TM9SF3: variants seen among roughly 807,000 people sequenced by gnomAD.
TM9SF3 encodes SM-11044-binding protein.
A neutral mutation model predicts 78.6 loss-of-function variants in TM9SF3; 14 were observed. That is an observed-to-expected ratio of 0.18 (90% CI 0.12 to 0.28). The LOEUF (loss-of-function observed/expected upper bound fraction) is 0.28. Ranked by LOEUF, TM9SF3 falls within the 10% of genes least tolerant of loss-of-function variation. The pLI is 1.00. For missense variants in TM9SF3, 496 were observed against 721.9 expected, an observed-to-expected ratio of 0.69 and a Z score of 3.59; for synonymous variants, 231 against 241.7, an observed-to-expected ratio of 0.96 and a Z score of 0.41.
At chr10:96,544,824 G>A (rs1470788727) in intron 8 of TM9SF3, among the ~76,000 whole-genome samples, 2 of 150,462 alleles carry the variant, frequency 1.3e-5, no homozygotes, top group Admixed American at 6.6e-5. Flanking sequence ...CTAAGACAGG[G>A]CAAAAAAAAA....
At chr10:96,562,164 A>G in intron 3 of TM9SF3, 26 bp from the exon 4 acceptor site, 1 of 1,537,912 alleles carries the variant, frequency 6.5e-7, no homozygotes, top group South Asian at 1.2e-5. Flanking sequence ...CACTTTATAC[A>G]AGGTAAAACC....
Position 96,578,227 on chromosome 10 carries a change from TAAC to T in TM9SF3, c.103-1401_103-1399del, listed in dbSNP as rs1848520197. ...GACAACAGCCAGGTCATTAAGGAAA[TAAC>T]AAATGATCTCACCTTTTGAACACAT... On this transcript the variant is annotated intron_variant, in intron 1 of 14. Transcript: ENST00000371142. Among the ~76,000 whole-genome samples, 4 of 152,272 alleles carry T rather than the reference TAAC, an allele frequency of 2.6e-5. No homozygotes were observed. In the South Asian group the frequency reaches 8.3e-4, roughly 32 times the overall value.
intron 7 of TM9SF3, among the ~76,000 whole-genome samples, chr10:96,548,562 C>T (rs369086530): frequency 6.6e-6 from 1 of 151,990 alleles, no homozygotes; most frequent in East Asian, 1.9e-4. Flanking sequence ...CTTTGGAAAG[C>T]CAAGGTGGGC....
intron 2 of TM9SF3, among the ~76,000 whole-genome samples, chr10:96,574,627 T>C (rs1028578127): frequency 6.6e-6 from 1 of 152,236 alleles, no homozygotes; most frequent in Non-Finnish European, 1.5e-5. Context: ...TACACATGTA[T>C]GTTTACTGTG....
At chr10:96,568,074 A>G (rs2134154819) in intron 2 of TM9SF3, among the ~76,000 whole-genome samples, 1 of 152,370 alleles carries the variant, frequency 6.6e-6, no homozygotes, top group East Asian at 1.9e-4. Context: ...TTATTATGAC[A>G]GGCTATATAA....
chr10:96,543,915 G>A (rs1848066076), intron 9 of TM9SF3, 161 bp downstream of exon 9: 1 of 590,722 alleles, frequency 1.7e-6, no homozygotes, highest in Non-Finnish European at 2.5e-6. Flanking sequence ...ATTTTATGGA[G>A]GCTAACAACA....
intron 1 of TM9SF3, among the ~76,000 whole-genome samples, chr10:96,579,034 C>T (rs1319071038): frequency 3.9e-5 from 6 of 152,170 alleles, no homozygotes; most frequent in African/African-American, 7.2e-5. Flanking sequence ...CCTGAGATTG[C>T]GCCACTGCAC....
intron 7 of TM9SF3, among the ~76,000 whole-genome samples, chr10:96,548,324 A>G (rs533778703): frequency 6.6e-6 from 1 of 152,340 alleles, no homozygotes; most frequent in East Asian, 1.9e-4. Flanking sequence ...ATCCCATAAT[A>G]TGGAACAAGA....
chr10:96,522,104 G>A lies in TM9SF3; in HGVS notation c.*159C>T, dbSNP rs867159414. On this transcript the variant is annotated 3_prime_UTR_variant, in exon 15 of 15. Coordinates refer to ENST00000371142, the MANE Select transcript of TM9SF3 (RefSeq NM_020123.4). ...CAGTCAGGAAGAACCTAGGATCAAT[G>A]GAAATAGATGTTACTTTAAGCCACC... 406 of 630,214 alleles carry A rather than the reference G, an allele frequency of 6.4e-4. 3 individuals are homozygous for A. In the Middle Eastern group the frequency reaches 0.014, roughly 22 times the overall value. The allele number at this position is 630,214 out of a possible 1,614,324, so 39.0% of individuals were successfully genotyped here. A position where few individuals can be genotyped will look rare whatever the true frequency, so the allele number is the denominator to read the frequency against.
intron 2 of TM9SF3, among the ~76,000 whole-genome samples, chr10:96,576,081 T>C (rs1197307304): frequency 6.6e-6 from 1 of 152,196 alleles, no homozygotes; most frequent in African/African-American, 2.4e-5. Flanking sequence ...ATGTTAAGCC[T>C]ATGGTACAAG....
chr10:96,578,252 A>C (rs1848520450), intron 1 of TM9SF3, among the ~76,000 whole-genome samples: 1 of 152,236 alleles, frequency 6.6e-6, no homozygotes, highest in African/African-American at 2.4e-5. Context: ...CCTTTTGAAC[A>C]CATGTGACAG....
intron 5 of TM9SF3, among the ~76,000 whole-genome samples, chr10:96,556,175 C>A (rs1468836526): frequency 6.6e-6 from 1 of 152,118 alleles, no homozygotes; most frequent in East Asian, 1.9e-4. Flanking sequence ...GGTTTACTAA[C>A]CCTACTAATG....
rs116275923 is a variant in TM9SF3 at position 96,586,188 on chromosome 10, A to G, written c.102+546T>C. Among the ~76,000 whole-genome samples, 1,139 of 152,322 alleles carry G rather than the reference A, an allele frequency of 7.5e-3. 16 individuals carry two copies. The highest frequency in any genetic ancestry group is 0.025 in the African/African-American group (1,035 of 41,572). ...ATAAACTGCTCTTCAATTCAAGTTT[A>G]TTAATGCTGCCCCACCCCAGGGTTT... is the stretch of plus-strand genomic sequence containing the variant. On this transcript the variant is annotated intron_variant, in intron 1 of 14. Transcript: ENST00000371142.
At chr10:96,558,727 G>A (rs920602914) in intron 5 of TM9SF3, among the ~76,000 whole-genome samples, 1 of 151,886 alleles carries the variant, frequency 6.6e-6, no homozygotes, top group East Asian at 1.9e-4. Context: ...AGTAGTGATA[G>A]GTTCCGGTAG....
Position 96,521,011 on chromosome 10 carries a change from T to C in TM9SF3, c.*1252A>G, listed in dbSNP as rs1589443595. On this transcript the variant is annotated 3_prime_UTR_variant, in exon 15 of 15. Transcript: ENST00000371142. ...TTGGTCAGGAAATTTTATTTGAACATTCTAAAGCAATAATGCTTTAGATGT... is the reference window on the plus strand; with the variant it reads ...TTGGTCAGGAAATTTTATTTGAACACTCTAAAGCAATAATGCTTTAGATGT... 2 of 395,848 alleles carry C rather than the reference T, an allele frequency of 5.1e-6. No homozygotes were observed. The highest frequency in any genetic ancestry group is 8.9e-6 in the Non-Finnish European group (2 of 223,572). The allele number at this position is 395,848 out of a possible 1,614,324, so 24.5% of individuals were successfully genotyped here. A position where few individuals can be genotyped will look rare whatever the true frequency, so the allele number is the denominator to read the frequency against.
intron 7 of TM9SF3, among the ~76,000 whole-genome samples, chr10:96,550,608 A>G (rs985261046): frequency 2.0e-5 from 3 of 152,180 alleles, no homozygotes; most frequent in African/African-American, 7.2e-5. Context: ...CTGAATAGGG[A>G]CCTGAGATCT....
At chr10:96,549,816 TTAAAAAA>T (rs1331759594) in intron 7 of TM9SF3, among the ~76,000 whole-genome samples, 26 of 121,820 alleles carry the variant, frequency 2.1e-4, no homozygotes, top group Non-Finnish European at 3.9e-4. Flanking sequence ...CTTCTGCATT[TTAAAAAA>T]AAAAAAAAAA....
At chr10:96,525,588 T>TTA (rs1847829350) in intron 14 of TM9SF3, among the ~76,000 whole-genome samples, 1 of 152,006 alleles carries the variant, frequency 6.6e-6, no homozygotes, top group South Asian at 2.1e-4. Flanking sequence ...TTACCATATC[T>TTA]TATATATATC....
In TM9SF3 at chr10:96,586,890, C is replaced by CCCCGA; in HGVS notation, c.-56_-55insTCGGG. On this transcript the variant is annotated 5_prime_UTR_variant, in exon 1 of 15. An upstream open reading frame in the 5' UTR loses its in-frame stop. Coordinates refer to ENST00000371142, the MANE Select transcript of TM9SF3 (RefSeq NM_020123.4). Reference sequence around the variant, plus strand: ...TCACCGACTCCTCCTCCCGCCGCCGCCTCCTCCGCCGCCGCCGCCTCCGCC... The same window carrying CCCCGA: ...TCACCGACTCCTCCTCCCGCCGCCGCCCCGACTCCTCCGCCGCCGCCGCCTCCGCC... The CCCCGA allele has an allele frequency of 8.6e-7, 1 of 1,163,490 alleles. No homozygotes were observed. Among genetic ancestry groups the CCCCGA allele is most frequent in the South Asian group, 4.2e-5 (1 of 24,020 alleles). 72.1% of individuals were successfully genotyped at this position (1,163,490 alleles called of 1,614,324 possible). A position where few individuals can be genotyped will look rare whatever the true frequency, so the allele number is the denominator to read the frequency against.
Sources: gnomAD v4.1 joint callset for allele counts (sites outside exome capture counted in the v4.1 genomes callset) on GRCh38, gnomAD v4.1.1 for gene constraint, MANE v1.5 for transcripts, NCBI Gene and HGNC (gene_info 2026-07-23, HGNC 2026-07-21) for gene names.